SUSD6: variants seen among roughly 807,000 people sequenced by gnomAD.
The protein encoded by SUSD6 is sushi domain containing 6, also known as sushi domain-containing protein 6.
In SUSD6, 16 loss-of-function variants were observed where a neutral mutation model predicts 28.4. The observed-to-expected ratio is 0.56, with a 90% CI of 0.38 to 0.86. The LOEUF is 0.86. Among genes scored for constraint, SUSD6 ranks in the 40% least tolerant of loss-of-function variants. The probability of loss-of-function intolerance (pLI) is 0.00; values close to 1 mark genes in which losing one functional copy is unlikely to be tolerated. For synonymous variants in SUSD6, 147 were observed against 159.6 expected (o/e 0.92, Z 0.59); for missense variants, 341 against 384.2 (o/e 0.89, Z 0.94).
At chr14:69,622,524 C>T (rs1260630364) in intron 1 of SUSD6, among the ~76,000 whole-genome samples, 3 of 152,152 alleles carry the variant, frequency 2.0e-5, no homozygotes, top group Admixed American at 6.5e-5. Context: ...GGATGGTTTA[C>T]GTTTCTCTGT....
At chr14:69,709,501 C>T (rs1470361773) in intron 5 of SUSD6, among the ~76,000 whole-genome samples, 1 of 152,224 alleles carries the variant, frequency 6.6e-6, no homozygotes, top group African/African-American at 2.4e-5. Context: ...CCAGAGCAGA[C>T]AGCTGCTGCT....
chr14:69,673,340 C>T lies in SUSD6; in HGVS notation c.121+14627C>T, dbSNP rs140623056. Among the ~76,000 whole-genome samples, 213 of 152,184 alleles carry T rather than the reference C, an allele frequency of 1.4e-3. 2 individuals carry two copies. Among genetic ancestry groups the T allele is most frequent in the African/African-American group, 4.7e-3 (195 of 41,520 alleles). On this transcript the variant is annotated intron_variant, in intron 2 of 5. Transcript: ENST00000342745. ...AAAATGTGCATGTCTACCAAGTTCCCTAAAGAAGAACTTGGTAGACATGAA... is the reference window on the plus strand; with the variant it reads ...AAAATGTGCATGTCTACCAAGTTCCTTAAAGAAGAACTTGGTAGACATGAA...
chr14:69,669,124 C>T (rs1204868454), intron 2 of SUSD6, among the ~76,000 whole-genome samples: 29 of 137,324 alleles, frequency 2.1e-4, no homozygotes, highest in Admixed American at 7.3e-4. Context: ...AGTGCAGTGG[C>T]GCGATCTCGG....
intron 1 of SUSD6, among the ~76,000 whole-genome samples, chr14:69,657,972 A>G (rs537451762): frequency 2.0e-5 from 3 of 152,318 alleles, no homozygotes; most frequent in Admixed American, 1.3e-4. Flanking sequence ...AGCCTTGATT[A>G]ATGAGATTCA....
At chr14:69,697,664 G>C (rs996571851) in intron 2 of SUSD6, among the ~76,000 whole-genome samples, 1 of 152,152 alleles carries the variant, frequency 6.6e-6, no homozygotes, top group African/African-American at 2.4e-5. Context: ...CTGTTGGACA[G>C]CTTTGTGCTA....
intron 1 of SUSD6, among the ~76,000 whole-genome samples, chr14:69,633,175 G>A (rs963210118): frequency 2.6e-5 from 4 of 152,216 alleles, no homozygotes; most frequent in African/African-American, 9.6e-5. Flanking sequence ...AAGAATATTT[G>A]TTGACTTCCC....
intron 2 of SUSD6, among the ~76,000 whole-genome samples, chr14:69,664,674 CTT>C (rs1885712842): frequency 6.6e-6 from 1 of 152,146 alleles, no homozygotes; most frequent in African/African-American, 2.4e-5. Context: ...CGCACTGTAA[CTT>C]TCTAATAAAA....
intron 2 of SUSD6, among the ~76,000 whole-genome samples, chr14:69,696,713 T>C (rs568588964): frequency 9.2e-5 from 14 of 152,336 alleles, no homozygotes; most frequent in African/African-American, 3.4e-4. Flanking sequence ...GACTGTGCTG[T>C]CCACTACAAT....
At chr14:69,683,863 T>G (rs1181452196) in intron 2 of SUSD6, among the ~76,000 whole-genome samples, 1 of 152,202 alleles carries the variant, frequency 6.6e-6, no homozygotes, top group Non-Finnish European at 1.5e-5. Flanking sequence ...CCATGGTTTT[T>G]GGAAGGAGAT....
chr14:69,674,347 CTCT>C (rs1885876447), intron 2 of SUSD6, among the ~76,000 whole-genome samples: 1 of 152,098 alleles, frequency 6.6e-6, no homozygotes, highest in Admixed American at 6.5e-5. Flanking sequence ...ATCCAGCTAC[CTCT>C]TCTTTTCTCG....
chr14:69,638,423 A>AGTGTGTGTGTGTGTGTGTGTGT (rs10637124), intron 1 of SUSD6, among the ~76,000 whole-genome samples: 3 of 139,142 alleles, frequency 2.2e-5, no homozygotes, highest in African/African-American at 5.5e-5. Context: ...TGGGGTGGGG[A>AGTGTGTGTGTGTGTGTGTGTGT]GTGTGTGTGT....
At chr14:69,703,824 C>A in intron 3 of SUSD6, 1 of 573,208 alleles carries the variant, frequency 1.7e-6, no homozygotes, top group Non-Finnish European at 3.1e-6. Flanking sequence ...CTGTAAAGCC[C>A]GTTTGATGTT....
intron 2 of SUSD6, among the ~76,000 whole-genome samples, chr14:69,669,030 C>T (rs1269851417): frequency 6.6e-6 from 1 of 150,908 alleles, no homozygotes; most frequent in African/African-American, 2.4e-5. Flanking sequence ...TAATGAATTA[C>T]CCAGTCTCAA....
intron 2 of SUSD6, among the ~76,000 whole-genome samples, chr14:69,692,057 G>T (rs1200494065): frequency 7.1e-6 from 1 of 141,462 alleles, no homozygotes. Context: ...AAAAAAAAAA[G>T]AAGTCATGTG....
chr14:69,708,686 G>T lies in SUSD6; in HGVS notation c.468G>T (p.Gln156His). 1 of 1,574,994 alleles carries T rather than the reference G, an allele frequency of 6.3e-7. No individual in the cohort carries two copies. The highest frequency in any genetic ancestry group is 8.6e-7 in the Non-Finnish European group (1 of 1,158,460). The stretch of plus-strand genomic sequence containing the variant: ...TCCTCCTCCACTCCAGGCGTGACCA[G>T]GGGGTATCTGGGGACCAGGTCTCCA... ...LKSFHHSRRDQGVSGDQVSIM... is the reference protein window; with the variant it reads ...LKSFHHSRRDHGVSGDQVSIM... The change falls in exon 5 of 6, where the codon CAG becomes CAT. Residue 156 changes from glutamine to histidine, a missense_variant. Gln to His is a conservative substitution (Grantham distance 24, BLOSUM62 0). Coordinates refer to ENST00000342745, the MANE Select transcript of SUSD6 (RefSeq NM_014734.4).
intron 2 of SUSD6, among the ~76,000 whole-genome samples, chr14:69,672,470 A>G (rs1329979443): frequency 6.6e-6 from 1 of 152,186 alleles, no homozygotes; most frequent in East Asian, 1.9e-4. Flanking sequence ...GGCTAAGAAG[A>G]GCAGCTTTGG....
chr14:69,701,536 G>C (rs577272240), intron 2 of SUSD6, among the ~76,000 whole-genome samples: 1 of 152,204 alleles, frequency 6.6e-6, no homozygotes, highest in Non-Finnish European at 1.5e-5. Flanking sequence ...AAGTGTAAAG[G>C]CTAAAGCAGT....
chr14:69,630,864 G>A (rs1447254526), intron 1 of SUSD6, among the ~76,000 whole-genome samples: 2 of 152,142 alleles, frequency 1.3e-5, no homozygotes, highest in South Asian at 2.1e-4. Flanking sequence ...GGGGTCAAGC[G>A]TACATGCTGA....
At chr14:69,647,581 A>G (rs1324514482) in intron 1 of SUSD6, among the ~76,000 whole-genome samples, 3 of 152,158 alleles carry the variant, frequency 2.0e-5, no homozygotes, top group Admixed American at 6.5e-5. Context: ...TATTTCTAAC[A>G]TAAAGGCTGA....
Sources: allele counts gnomAD v4.1 joint callset (sites outside exome capture counted in the v4.1 genomes callset), GRCh38; gene constraint gnomAD v4.1.1; transcripts MANE v1.5; gene names NCBI Gene and HGNC (gene_info 2026-07-23, HGNC 2026-07-21).